RALGAPA2: variants seen among roughly 807,000 people sequenced by gnomAD.
The protein encoded by RALGAPA2 is ral GTPase-activating protein subunit alpha-2.
In RALGAPA2, 139 loss-of-function variants were observed where a neutral mutation model predicts 230.4. The observed-to-expected ratio is 0.60, with a 90% CI of 0.53 to 0.69. RALGAPA2 has a LOEUF of 0.69. Ranked by LOEUF, RALGAPA2 falls within the 30% of genes least tolerant of loss-of-function variation. RALGAPA2 has a pLI of 0.00. For missense variants in RALGAPA2, 2,163 were observed against 2,276.0 expected (o/e 0.95, Z 1.01); for synonymous variants, 847 against 837.8 (o/e 1.01, Z -0.19).
In RALGAPA2 at chr20:20,698,361, C is replaced by G. The variant is rs373279220; in HGVS notation, c.106+14014G>C. On this transcript the variant is annotated intron_variant, in intron 1 of 39. Coordinates refer to ENST00000202677, the MANE Select transcript of RALGAPA2 (RefSeq NM_020343.4). The stretch of plus-strand genomic sequence containing the variant: ...TCTCGGCTCACTGCATCCTCCACCT[C>G]CTGGGTTCAAGGTTTTTGGTTTTTG... Among the ~76,000 whole-genome samples, 8 of 151,798 alleles carry G rather than the reference C, an allele frequency of 5.3e-5. No homozygotes were observed. In the East Asian group the frequency reaches 1.6e-3, roughly 30 times the overall value.
At chr20:20,560,623 T>A (rs73292704) in intron 23 of RALGAPA2, among the ~76,000 whole-genome samples, 1 of 152,202 alleles carries the variant, frequency 6.6e-6, no homozygotes, top group East Asian at 1.9e-4. Flanking sequence ...GTCTACTCTT[T>A]ATGAATTATA....
chr20:20,415,953 C>A (rs566571540), intron 37 of RALGAPA2, among the ~76,000 whole-genome samples: 92 of 152,220 alleles, frequency 6.0e-4, no homozygotes, highest in South Asian at 1.2e-3. Flanking sequence ...GCATGACAGT[C>A]AGGAAGGAGC....
chr20:20,651,519 C>T (rs2146594578), intron 4 of RALGAPA2, among the ~76,000 whole-genome samples: 1 of 152,248 alleles, frequency 6.6e-6, no homozygotes, highest in East Asian at 1.9e-4. Context: ...ATTGAGGAGT[C>T]TGAGGCCTCC....
intron 10 of RALGAPA2, among the ~76,000 whole-genome samples, chr20:20,623,779 T>C (rs2066398492): frequency 6.6e-6 from 1 of 152,244 alleles, no homozygotes; most frequent in Non-Finnish European, 1.5e-5. Context: ...TTATTACATG[T>C]CTTTTTAATG....
At position 20,503,444 on chromosome 20, in the gene RALGAPA2, C is replaced by T. The variant is rs1425370010; in HGVS notation, c.5115G>A (p.Gln1705=). ...GGLQRNGSTG[Q]TAPYYATSTV... is the part of the protein sequence containing the mutation. Reference sequence around the variant, plus strand: ...TTGAGGTAGCATAGTAAGGGGCCGTCTGCCCGGTGCTGCCATTGCGCTGAA... The same window carrying T: ...TTGAGGTAGCATAGTAAGGGGCCGTTTGCCCGGTGCTGCCATTGCGCTGAA... The change falls in exon 35 of 40, where the codon CAG becomes CAA. Residue 1705 remains glutamine (Q), a synonymous_variant. Coordinates refer to ENST00000202677, the MANE Select transcript of RALGAPA2 (RefSeq NM_020343.4). 1 of 1,608,518 alleles carries T rather than the reference C, an allele frequency of 6.2e-7. No individual in the cohort carries two copies. Among genetic ancestry groups the T allele is most frequent in the Non-Finnish European group, 8.5e-7 (1 of 1,177,516 alleles).
At chr20:20,520,780 T>C in intron 31 of RALGAPA2, 137 bp downstream of exon 31, 1 of 608,400 alleles carries the variant, frequency 1.6e-6, no homozygotes, top group Non-Finnish European at 2.6e-6. Flanking sequence ...GAAGGCAGAA[T>C]TTGCCATCAC....
chr20:20,639,480 C>T (rs1244970251), intron 7 of RALGAPA2, among the ~76,000 whole-genome samples: 1 of 152,148 alleles, frequency 6.6e-6, no homozygotes, highest in African/African-American at 2.4e-5. Context: ...TATTCCTGTC[C>T]ACCTGTTCAG....
chr20:20,709,501 A>G (rs1307119895), intron 1 of RALGAPA2, among the ~76,000 whole-genome samples: 1 of 152,100 alleles, frequency 6.6e-6, no homozygotes, highest in Non-Finnish European at 1.5e-5. Context: ...AAAAAAAGAC[A>G]TGGAATCTTT....
chr20:20,694,432 C>T (rs934498938), intron 1 of RALGAPA2, among the ~76,000 whole-genome samples: 1 of 152,184 alleles, frequency 6.6e-6, no homozygotes, highest in Non-Finnish European at 1.5e-5. Flanking sequence ...CTCTTTACCT[C>T]CAGGAAATCA....
chr20:20,644,290 C>A (rs1164629477), intron 4 of RALGAPA2, among the ~76,000 whole-genome samples: 1 of 152,064 alleles, frequency 6.6e-6, no homozygotes, highest in Non-Finnish European at 1.5e-5. Context: ...TCCTCTCAGT[C>A]AAATTTCAGA....
chr20:20,526,265 C>A lies in RALGAPA2; in HGVS notation c.3680G>T (p.Arg1227Leu), dbSNP rs373227779. 1 of 1,596,440 alleles carries A rather than the reference C, an allele frequency of 6.3e-7. No homozygotes were observed. The highest frequency in any genetic ancestry group is 8.6e-7 in the Non-Finnish European group (1 of 1,168,150). The change falls in exon 28 of 40, where the codon CGG (arginine) becomes CTG (leucine). Residue 1227 changes from arginine to leucine, a missense_variant. Coordinates refer to ENST00000202677, the MANE Select transcript of RALGAPA2 (RefSeq NM_020343.4). Reference protein sequence around the residue: ...KLQMFETSLPRKMAEILVATV... With the variant: ...KLQMFETSLPLKMAEILVATV... ...AAAAAGACTTACTTCTGCCATTTTCCGAGGCAGAGAGGTTTCAAACATCTG... is the reference window on the plus strand; with the variant it reads ...AAAAAGACTTACTTCTGCCATTTTCAGAGGCAGAGAGGTTTCAAACATCTG...
chr20:20,480,478 A>T (rs1051697457), intron 36 of RALGAPA2, among the ~76,000 whole-genome samples: 3 of 152,174 alleles, frequency 2.0e-5, no homozygotes, highest in Non-Finnish European at 4.4e-5. Context: ...TCCTATCCCT[A>T]TGATGATAGT....
intron 30 of RALGAPA2, among the ~76,000 whole-genome samples, chr20:20,522,861 A>G (rs2063086850): frequency 6.6e-6 from 1 of 152,254 alleles, no homozygotes; most frequent in Non-Finnish European, 1.5e-5. Context: ...AGATTTACAA[A>G]AGTGATTGTG....
chr20:20,637,436 C>A lies in RALGAPA2; in HGVS notation c.732G>T (p.Leu244Phe). Residue 244 changes from leucine to phenylalanine, a missense_variant, in exon 8 of 40, where the codon TTG (leucine) becomes TTT (phenylalanine). Physicochemically the swap from Leu to Phe is conservative, Grantham distance 22. Coordinates refer to ENST00000202677, the MANE Select transcript of RALGAPA2 (RefSeq NM_020343.4). ...QDTGFKFLFT[L>F]FRKYYLPHLF... ...AATGAGGAAGATAATACTTTCGAAA[C>A]AATGTAAAAAGAAATTTAAAACCAG... 1 of 1,576,978 alleles carries A rather than the reference C, an allele frequency of 6.3e-7. No individual in the cohort carries two copies. Among genetic ancestry groups the A allele is most frequent in the East Asian group, 2.3e-5 (1 of 43,712 alleles).
At chr20:20,599,348 A>C in intron 16 of RALGAPA2, among the ~76,000 whole-genome samples, 1 of 152,250 alleles carries the variant, frequency 6.6e-6, no homozygotes, top group East Asian at 1.9e-4. Context: ...TAAAATCTCC[A>C]TGAAACCCAT....
chr20:20,591,367 C>T, intron 16 of RALGAPA2, 53 bp from the exon 17 acceptor site: 1 of 1,550,248 alleles, frequency 6.5e-7, no homozygotes, highest in South Asian at 1.2e-5. Context: ...TTAAAAAACA[C>T]ATTCACCACT....
intron 35 of RALGAPA2, among the ~76,000 whole-genome samples, chr20:20,498,283 T>C (rs919338299): frequency 1.3e-5 from 2 of 152,196 alleles, no homozygotes; most frequent in Non-Finnish European, 2.9e-5. Flanking sequence ...TGTTAGCTAC[T>C]CCTTCAACTG....
chr20:20,453,774 C>T (rs929552476), intron 37 of RALGAPA2, among the ~76,000 whole-genome samples: 1 of 152,182 alleles, frequency 6.6e-6, no homozygotes, highest in Non-Finnish European at 1.5e-5. Flanking sequence ...TGTGCACCCA[C>T]AGCAACAGCA....
At chr20:20,553,587 G>A (rs1294720243) in intron 23 of RALGAPA2, among the ~76,000 whole-genome samples, 1 of 151,976 alleles carries the variant, frequency 6.6e-6, no homozygotes, top group Non-Finnish European at 1.5e-5. Flanking sequence ...ACAATACCTA[G>A]AACTTCTCAC....
Sources: allele counts gnomAD v4.1 joint callset (sites outside exome capture counted in the v4.1 genomes callset), GRCh38; gene constraint gnomAD v4.1.1; transcripts MANE v1.5; gene names NCBI Gene and HGNC (gene_info 2026-07-23, HGNC 2026-07-21).